CCNA2: variants seen among roughly 807,000 people sequenced by gnomAD.
CCNA2 encodes the protein cyclin-A2.
CCNA2 carries 3 observed loss-of-function variants against 49.4 expected under a neutral mutation model. The ratio of observed to expected loss-of-function variants is 0.06; its 90% CI spans 0.03 to 0.16. The LOEUF (loss-of-function observed/expected upper bound fraction) is 0.16, where lower values mean the gene tolerates loss of function less well. Ranked by LOEUF, CCNA2 falls within the 10% of genes least tolerant of loss-of-function variation. The pLI, the probability that CCNA2 is intolerant of heterozygous loss-of-function variation, is 1.00. For missense variants in CCNA2, 372 were observed against 519.7 expected (o/e 0.72, Z 2.76); for synonymous variants, 206 against 197.2 (o/e 1.04, Z -0.37).
intron 2 of CCNA2, 150 bp downstream of exon 2, chr4:121,822,253 G>T: frequency 1.3e-6 from 1 of 761,376 alleles, no homozygotes; most frequent in Non-Finnish European, 2.1e-6. Context: ...TGAGATCTGA[G>T]ATAAGTCACA....
chr4:121,823,247 T>C (rs1275309240), intron 1 of CCNA2, among the ~76,000 whole-genome samples, 169 bp downstream of exon 1: 1 of 152,142 alleles, frequency 6.6e-6, no homozygotes, highest in African/African-American at 2.4e-5. Context: ...GATGCTAATA[T>C]GGGAGAACTC....
rs758098987 is a variant in CCNA2 at position 121,823,509 on chromosome 4, G to C, written c.120C>G (p.Pro40=). The change falls in exon 1 of 8, where the codon CCC becomes CCG. Residue 40 remains proline, a synonymous_variant. Transcript: ENST00000274026. ...QENINPEKAA[P]VQQPRTRAAL... is the part of the protein sequence containing the mutation. ...CGGCCCGGGTCCGCGGTTGTTGGAC[G>C]GGCGCTGCCTTTTCCGGGTTGATAT... The C allele has an allele frequency of 6.2e-6, 10 of 1,613,062 alleles. No individual in the cohort carries two copies. Among genetic ancestry groups the C allele is most frequent in the Non-Finnish European group, 7.6e-6 (9 of 1,179,730 alleles).
rs925120342 is a variant in CCNA2 at position 121,823,708 on chromosome 4, G to A, written c.-80C>T. 191 of 1,469,568 alleles carry A rather than the reference G, an allele frequency of 1.3e-4. No homozygotes were observed. Among genetic ancestry groups the A allele is most frequent in the Non-Finnish European group, 1.7e-4 (185 of 1,112,542 alleles). 91.0% of individuals were successfully genotyped at this position (1,469,568 alleles called of 1,614,324 possible). ...CTCTGCCCAGCCGACCACTCGCACC[G>A]ACCCGGCCAAAGAATAGTCGTAGCC... On this transcript the variant is annotated 5_prime_UTR_variant, in exon 1 of 8. Coordinates refer to ENST00000274026, the MANE Select transcript of CCNA2 (RefSeq NM_001237.5).
At chr4:121,819,289 CTAGGTTCCTTTACAAAGGAAT>C (rs1213548664) in intron 5 of CCNA2, 62 bp downstream of exon 5, 4 of 997,072 alleles carry the variant, frequency 4.0e-6, no homozygotes, top group Non-Finnish European at 6.2e-6. Context: ...TACAAAGGAA[CTAGGTTCCTTTACAAAGGAAT>C]TAGGGCTTAC....
In CCNA2 at chr4:121,823,858, C is replaced by G. The variant is rs932479854; in HGVS notation, c.-230G>C. On this transcript the variant is annotated 5_prime_UTR_variant, in exon 1 of 8. Coordinates refer to ENST00000274026, the MANE Select transcript of CCNA2 (RefSeq NM_001237.5). ...TGCCCAGCGTGGCGAGCCAAAGACG[C>G]CCAGAGATGCAGCGAGCAGCCCGCC... is the stretch of plus-strand genomic sequence containing the variant. 1 of 690,628 alleles carries G rather than the reference C, an allele frequency of 1.4e-6. No individual in the cohort carries two copies. The highest frequency in any genetic ancestry group is 2.2e-6 in the Non-Finnish European group (1 of 446,080). 42.8% of individuals were successfully genotyped at this position (690,628 alleles called of 1,614,324 possible).
intron 5 of CCNA2, 149 bp downstream of exon 5, chr4:121,819,223 C>A: frequency 1.5e-6 from 1 of 648,284 alleles, no homozygotes. Context: ...AGTAGGCTTT[C>A]TTCCATACTG....
intron 1 of CCNA2, 126 bp from the exon 2 acceptor site, chr4:121,822,772 TTTCAGTA>T (rs1724721758): frequency 1.0e-6 from 1 of 974,810 alleles, no homozygotes; most frequent in South Asian, 1.7e-5. Flanking sequence ...CAAAGAAGAG[TTTCAGTA>T]TTCAAAAGAG....
intron 2 of CCNA2, among the ~76,000 whole-genome samples, chr4:121,821,611 AT>A (rs1724694298): frequency 6.6e-6 from 1 of 152,192 alleles, no homozygotes; most frequent in Non-Finnish European, 1.5e-5. Flanking sequence ...TAAATAATTT[AT>A]TTTTTGTAGT....
Position 121,820,799 on chromosome 4 carries a change from T to G in CCNA2, c.571-34A>C. The G allele has an allele frequency of 6.8e-7, 1 of 1,476,206 alleles. No homozygotes were observed. The highest frequency in any genetic ancestry group is 1.4e-5 in the African/African-American group (1 of 71,484). The allele number at this position is 1,476,206 out of a possible 1,614,324, so 91.4% of individuals were successfully genotyped here. Reference sequence around the variant, plus strand: ...AAAATTATTTATAGTGTTAAAATTATTCTAGTGTAAAAACTGCAATTAGAT... The same window carrying G: ...AAAATTATTTATAGTGTTAAAATTAGTCTAGTGTAAAAACTGCAATTAGAT... On this transcript the variant is annotated intron_variant, in intron 3 of 7. Transcript: ENST00000274026. This position sits in a 1 kb window ranked among gnomAD's most constrained non-coding sequence, Gnocchi z 4.1.
At position 121,823,769 on chromosome 4, in the gene CCNA2, C is replaced by A; in HGVS notation, c.-141G>T. On this transcript the variant is annotated 5_prime_UTR_variant, in exon 1 of 8. Coordinates refer to ENST00000274026, the MANE Select transcript of CCNA2 (RefSeq NM_001237.5). Reference sequence around the variant, plus strand: ...GCCCAGGCCAGCCTACCAGCCCGCCCGCTCGCTCACCCAGCTCGAGACCAC... The same window carrying A: ...GCCCAGGCCAGCCTACCAGCCCGCCAGCTCGCTCACCCAGCTCGAGACCAC... 20 of 1,413,232 alleles carry A rather than the reference C, an allele frequency of 1.4e-5. No homozygotes were observed. The highest frequency in any genetic ancestry group is 1.9e-5 in the Non-Finnish European group (20 of 1,080,302). The allele number at this position is 1,413,232 out of a possible 1,614,324, so 87.5% of individuals were successfully genotyped here. A position where few individuals can be genotyped will look rare whatever the true frequency, so the allele number is the denominator to read the frequency against.
intron 1 of CCNA2, 114 bp downstream of exon 1, chr4:121,823,302 C>T (rs1355790739): frequency 1.5e-6 from 2 of 1,310,238 alleles, no homozygotes; most frequent in Non-Finnish European, 2.1e-6. Flanking sequence ...ACTCCAGACC[C>T]TGGCCCCCTT....
At position 121,819,020 on chromosome 4, in the gene CCNA2, ACTCT is replaced by A; in HGVS notation, c.1003-111_1003-108del. On this transcript the variant is annotated intron_variant, in intron 5 of 7. Coordinates refer to ENST00000274026, the MANE Select transcript of CCNA2 (RefSeq NM_001237.5). ...TGCCTTTGATAACGGCTCTGTAGCA[ACTCT>A]AGAAAAAATATCTCACAGCCTCATC... is the stretch of plus-strand genomic sequence containing the variant. The A allele has an allele frequency of 4.4e-6, 3 of 681,910 alleles. No homozygotes were observed. In the Admixed American group the frequency reaches 7.3e-5, roughly 17 times the overall value. 42.2% of individuals were successfully genotyped at this position (681,910 alleles called of 1,614,324 possible). A position where few individuals can be genotyped will look rare whatever the true frequency, so the allele number is the denominator to read the frequency against.
intron 6 of CCNA2, 85 bp downstream of exon 6, chr4:121,818,714 AC>A: frequency 1.2e-6 from 1 of 855,738 alleles, no homozygotes; most frequent in Non-Finnish European, 1.9e-6. Context: ...CATCTAGGCA[AC>A]CCTCAGTTTT....
rs754474201 is a variant in CCNA2, at chr4:121,818,791, A to G, written c.1116+9T>C. ...CACAAGATAGGTGTGTGAAGACCGT[A>G]ATACATACCCAGCTTTGTCCCGTGA... On this transcript the variant is annotated intron_variant, in intron 6 of 7. Transcript: ENST00000274026. 6.5e-7 allele frequency: 1 copy of G among 1,544,252 alleles called. No individual in the cohort carries two copies.
rs564519657 is a variant in CCNA2, at chr4:121,820,397, A to G, written c.794+145T>C. On this transcript the variant is annotated intron_variant, in intron 4 of 7. Transcript: ENST00000274026. The surrounding 1 kb of genome is among the most constrained non-coding windows in gnomAD (Gnocchi z 4.1). Reference sequence around the variant, plus strand: ...GATTAGAACAGTTTCATCCTCCTCCACTGCCCTAAGCCCCAGCACATTGCC... The same window carrying G: ...GATTAGAACAGTTTCATCCTCCTCCGCTGCCCTAAGCCCCAGCACATTGCC... 3.3e-6 allele frequency: 2 copies of G among 600,430 alleles called. No homozygotes were observed. The highest frequency in any genetic ancestry group is 1.9e-5 in the African/African-American group (1 of 53,794). The allele number at this position is 600,430 out of a possible 1,614,324, so 37.2% of individuals were successfully genotyped here.
chr4:121,818,017 A>G (rs973366242), intron 7 of CCNA2, 27 bp downstream of exon 7: 2 of 1,591,242 alleles, frequency 1.3e-6, no homozygotes, highest in African/African-American at 2.7e-5. Context: ...TAGAAAAGTA[A>G]GCTTCAATAT....
In CCNA2 at chr4:121,816,797, G is replaced by A; in HGVS notation, c.*841C>T. 1 of 1,600,404 alleles carries A rather than the reference G, an allele frequency of 6.2e-7. No homozygotes were observed. Among genetic ancestry groups the A allele is most frequent in the African/African-American group, 1.4e-5 (1 of 73,908 alleles). On this transcript the variant is annotated 3_prime_UTR_variant, in exon 8 of 8. Coordinates refer to ENST00000274026, the MANE Select transcript of CCNA2 (RefSeq NM_001237.5). The stretch of plus-strand genomic sequence containing the variant: ...AACACAGACCACCAGTGCAAAACAA[G>A]AAAAAGCACCAAGTAAAAAGCCAGT...
chr4:121,819,723 G>A (rs572949131), intron 4 of CCNA2, 144 bp from the exon 5 acceptor site: 1 of 624,942 alleles, frequency 1.6e-6, no homozygotes, highest in East Asian at 2.7e-5. Flanking sequence ...ATCATTTCTA[G>A]TAGAGACTGG....
At position 121,823,819 on chromosome 4, in the gene CCNA2, G is replaced by T; in HGVS notation, c.-191C>A. 1 of 1,090,318 alleles carries T rather than the reference G, an allele frequency of 9.2e-7. No homozygotes were observed. The highest frequency in any genetic ancestry group is 1.7e-5 in the South Asian group (1 of 57,858). 67.5% of individuals were successfully genotyped at this position (1,090,318 alleles called of 1,614,324 possible). A position where few individuals can be genotyped will look rare whatever the true frequency, so the allele number is the denominator to read the frequency against. On this transcript the variant is annotated 5_prime_UTR_variant, in exon 1 of 8. Coordinates refer to ENST00000274026, the MANE Select transcript of CCNA2 (RefSeq NM_001237.5). ...CGCAGGGCCGAGGAGGTTGCGAAAGGCGCAGGCAGGCACTGCCCAGCGTGG... is the reference window on the plus strand; with the variant it reads ...CGCAGGGCCGAGGAGGTTGCGAAAGTCGCAGGCAGGCACTGCCCAGCGTGG...
Sources: gnomAD v4.1 joint callset for allele counts (sites outside exome capture counted in the v4.1 genomes callset) on GRCh38, gnomAD v4.1.1 for gene constraint, Gnocchi (gnomAD v3.1) non-coding constraint, MANE v1.5 for transcripts, NCBI Gene and HGNC (gene_info 2026-07-23, HGNC 2026-07-21) for gene names.